The following PLXNB2 variants were observed in gnomAD, a reference collection of about 807,000 sequenced individuals.
The protein encoded by PLXNB2 is plexin B2.
In PLXNB2, 85 loss-of-function variants were observed where a neutral mutation model predicts 202.6. The ratio of observed to expected loss-of-function variants is 0.42; its 90% CI spans 0.35 to 0.50. The LOEUF (loss-of-function observed/expected upper bound fraction) is 0.50. PLXNB2 is among the 20% of genes least tolerant of loss of function. The pLI is 0.02. For synonymous variants in PLXNB2, 1,239 were observed against 1,137.6 expected, an observed-to-expected ratio of 1.09 and a Z score of -1.79; for missense variants, 2,063 against 2,586.2, an observed-to-expected ratio of 0.80 and a Z score of 4.39.
chr22:50,283,781 G>A, intron 14 of PLXNB2, 31 bp from the exon 15 acceptor site: 2 of 1,612,954 alleles, frequency 1.2e-6, no homozygotes, highest in Non-Finnish European at 1.7e-6. Flanking sequence ...GAGCAGGGAG[G>A]GGCTCATGCC....
At chr22:50,300,480 G>C (rs547761044) in intron 1 of PLXNB2, among the ~76,000 whole-genome samples, 147 of 152,348 alleles carry the variant, frequency 9.6e-4, no homozygotes, top group African/African-American at 3.4e-3. Context: ...CCGGACCCAG[G>C]GTCAAGGCCA....
chr22:50,293,350 C>T (rs2067020853), intron 2 of PLXNB2, among the ~76,000 whole-genome samples: 1 of 152,188 alleles, frequency 6.6e-6, no homozygotes, highest in South Asian at 2.1e-4. Context: ...CCCGAAGGCT[C>T]CCCAACCCCC....
At position 50,284,720 on chromosome 22, in the gene PLXNB2, C is replaced by G; in HGVS notation, c.2089-55G>C. The G allele has an allele frequency of 7.5e-7, 1 of 1,335,266 alleles. No individual in the cohort carries two copies. The highest frequency in any genetic ancestry group is 1.1e-6 in the Non-Finnish European group (1 of 927,608). The allele number at this position is 1,335,266 out of a possible 1,614,324, so 82.7% of individuals were successfully genotyped here. On this transcript the variant is annotated intron_variant, in intron 11 of 36. Coordinates refer to ENST00000359337, the MANE Select transcript of PLXNB2 (RefSeq NM_012401.4). The surrounding 1 kb of genome is among the most constrained non-coding windows in gnomAD (Gnocchi z 8.0). ...AGGCGGCTGTGGCACCCTGGCCCTC[C>G]TCCCAGAACCCCTGCAGCCCCTCCT...
rs201524381 is a variant in PLXNB2 at position 50,275,815 on chromosome 22, G to A, written c.5413-7C>T. 6.6e-4 allele frequency: 1,055 copies of A among 1,610,058 alleles called. 2 individuals are homozygous for A. Among genetic ancestry groups the A allele is most frequent in the Non-Finnish European group, 7.5e-4 (885 of 1,177,678 alleles). On this transcript the variant is annotated splice_region_variant and splice_polypyrimidine_tract_variant and intron_variant, in intron 36 of 36. Coordinates refer to ENST00000359337, the MANE Select transcript of PLXNB2 (RefSeq NM_012401.4). The stretch of plus-strand genomic sequence containing the variant: ...CCTCCAAGGCATTGATGATCTGAGG[G>A]AGGGTCGCATCAGAGCACACCGGGG...
At chr22:50,305,406 A>G (rs2067849294) in intron 1 of PLXNB2, among the ~76,000 whole-genome samples, 1 of 152,174 alleles carries the variant, frequency 6.6e-6, no homozygotes, top group South Asian at 2.1e-4. Context: ...CCGGGCGCAC[A>G]CACAGCATGG....
chr22:50,281,293 G>T, intron 22 of PLXNB2, 67 bp downstream of exon 22: 1 of 1,589,566 alleles, frequency 6.3e-7, no homozygotes. Flanking sequence ...CGGCGGATGA[G>T]GCCAGAGGGG....
chr22:50,291,073 G>A lies in PLXNB2; in HGVS notation c.-13-476C>T, dbSNP rs2066837553. Among the ~76,000 whole-genome samples, 1 of 152,186 alleles carries A rather than the reference G, an allele frequency of 6.6e-6. No individual in the cohort carries two copies. The highest frequency in any genetic ancestry group is 2.4e-5 in the African/African-American group (1 of 41,442). Reference sequence around the variant, plus strand: ...GGTGGCTCACCCATGGGGCAGAGGTGAAGGACACGGGAAACCAGAGGCTCA... The same window carrying A: ...GGTGGCTCACCCATGGGGCAGAGGTAAAGGACACGGGAAACCAGAGGCTCA... On this transcript the variant is annotated intron_variant, in intron 2 of 36. Coordinates refer to ENST00000359337, the MANE Select transcript of PLXNB2 (RefSeq NM_012401.4). This position sits in a 1 kb window ranked among gnomAD's most constrained non-coding sequence, Gnocchi z 4.3.
In PLXNB2 at chr22:50,281,881, C is replaced by T; in HGVS notation, c.3318G>A (p.Lys1106=). ...TFENFTGGVK[K]QVNKLIHARG... ...GGGCGTGGATGAGCTTGTTGACCTG[C>T]TTCTTGACGCCACCTGTGAAGTTCT... is the stretch of plus-strand genomic sequence containing the variant. The change falls in exon 20 of 37, where the codon AAG becomes AAA. Residue 1106 remains lysine, a synonymous_variant. Coordinates refer to ENST00000359337, the MANE Select transcript of PLXNB2 (RefSeq NM_012401.4). 1 of 1,612,980 alleles carries T rather than the reference C, an allele frequency of 6.2e-7. No individual in the cohort carries two copies. The highest frequency in any genetic ancestry group is 8.5e-7 in the Non-Finnish European group (1 of 1,179,974).
Position 50,285,874 on chromosome 22 carries a change from G to A in PLXNB2, c.2014C>T (p.Pro672Ser). The A allele has an allele frequency of 6.2e-7, 1 of 1,612,738 alleles. No homozygotes were observed. The highest frequency in any genetic ancestry group is 8.5e-7 in the Non-Finnish European group (1 of 1,179,744). The change falls in exon 11 of 37, where the codon CCC (proline) becomes TCC (serine). Residue 672 changes from proline to serine, a missense_variant. Pro to Ser is a moderately conservative substitution (Grantham distance 74, BLOSUM62 -1). Around this residue, in one of 2 missense-constraint regions of PLXNB2, gnomAD observed 1,303 missense variants for 1,476.8 expected, o/e 0.88. Coordinates refer to ENST00000359337, the MANE Select transcript of PLXNB2 (RefSeq NM_012401.4). ...TTCATGGGGATCACCAGGGGGCTGGGTCCCAGGAACTGGGGACAGCTGTCC... is the reference window on the plus strand; with the variant it reads ...TTCATGGGGATCACCAGGGGGCTGGATCCCAGGAACTGGGGACAGCTGTCC... ...MEDSCPQFLG[P>S]SPLVIPMNHE...
intron 1 of PLXNB2, among the ~76,000 whole-genome samples, chr22:50,303,444 TGGCTCGGG>T (rs778560055): frequency 9.2e-5 from 14 of 152,120 alleles, no homozygotes; most frequent in Non-Finnish European, 4.4e-5. Flanking sequence ...GGTGGCATGC[TGGCTCGGG>T]GGCCCCAGAC....
chr22:50,275,562 G>T lies in PLXNB2; in HGVS notation c.*142C>A, dbSNP rs2065486442. ...GATGCTACAGTCTAGACGCTGGGCG[G>T]GTTCCGGCTGCACCCACTCCGGCTT... On this transcript the variant is annotated 3_prime_UTR_variant, in exon 37 of 37. Coordinates refer to ENST00000359337, the MANE Select transcript of PLXNB2 (RefSeq NM_012401.4). 1 of 650,438 alleles carries T rather than the reference G, an allele frequency of 1.5e-6. No homozygotes were observed. The highest frequency in any genetic ancestry group is 2.8e-6 in the Non-Finnish European group (1 of 357,094). The allele number at this position is 650,438 out of a possible 1,614,324, so 40.3% of individuals were successfully genotyped here.
At chr22:50,276,578 G>T in intron 35 of PLXNB2, 51 bp downstream of exon 35, 2 of 1,426,906 alleles carry the variant, frequency 1.4e-6, no homozygotes, top group Non-Finnish European at 2.0e-6. Flanking sequence ...GCTCAGCATG[G>T]GGTAGTGGGA....
chr22:50,300,579 G>A (rs1391413050), intron 1 of PLXNB2, among the ~76,000 whole-genome samples: 1 of 152,208 alleles, frequency 6.6e-6, no homozygotes, highest in Non-Finnish European at 1.5e-5. Flanking sequence ...TCCAGGGACA[G>A]ACTGATGTGG....
chr22:50,284,148 G>A lies in PLXNB2; in HGVS notation c.2247C>T (p.Ile749=), dbSNP rs376007453. Residue 749 remains isoleucine (I), a synonymous_variant, in exon 13 of 37, where the codon ATC becomes ATT. Transcript: ENST00000359337. This position sits in a 1 kb window ranked among gnomAD's most constrained non-coding sequence, Gnocchi z 8.0. ...GGCCCCCACCATGGAGCTTGCTGTC[G>A]ATATTCTTGCCGTAAGACTTGACGT... The part of the protein sequence containing the change: ...HLYVKSYGKN[I]DSKLHVTLYN... 1.3e-4 allele frequency: 202 copies of A among 1,611,794 alleles called. No individual in the cohort carries two copies. The highest frequency in any genetic ancestry group is 2.1e-4 in the African/African-American group (16 of 74,776).
intron 1 of PLXNB2, among the ~76,000 whole-genome samples, chr22:50,307,322 C>T (rs142227764): frequency 0.02 from 3,019 of 150,518 alleles, 51 homozygotes; most frequent in Admixed American, 0.032. Flanking sequence ...CCCCCGCCGC[C>T]GGGCCCGTCC....
At chr22:50,293,636 C>T (rs908492121) in intron 2 of PLXNB2, among the ~76,000 whole-genome samples, 3 of 152,208 alleles carry the variant, frequency 2.0e-5, no homozygotes, top group South Asian at 4.1e-4. Flanking sequence ...GGGGGCAGCG[C>T]GGGGGCGGGG....
Position 50,287,251 on chromosome 22 carries a change from A to G in PLXNB2, c.1622T>C (p.Val541Ala), listed in dbSNP as rs923713459. 2.0e-6 allele frequency: 3 copies of G among 1,525,222 alleles called. No individual in the cohort carries two copies. The highest frequency in any genetic ancestry group is 2.6e-6 in the Non-Finnish European group (3 of 1,132,910). The allele number at this position is 1,525,222 out of a possible 1,614,324, so 94.5% of individuals were successfully genotyped here. Residue 541 changes from valine to alanine, a missense_variant, in exon 8 of 37, where the codon GTC (valine) becomes GCC (alanine). By Grantham distance (64) the Val-to-Ala change is moderately conservative. Transcript: ENST00000359337. ...CTCGCTCAGGGCAGGGAGGGGGCTG[A>G]CGGTCAGCTGCACCTGAGGGAGGGG... is the stretch of plus-strand genomic sequence containing the variant. ...RRAQGEVQLTVSPLPALSEED... is the reference protein window; with the variant it reads ...RRAQGEVQLTASPLPALSEED...
At chr22:50,295,540 C>T (rs2067199110) in intron 1 of PLXNB2, among the ~76,000 whole-genome samples, 1 of 152,144 alleles carries the variant, frequency 6.6e-6, no homozygotes, top group Non-Finnish European at 1.5e-5. Flanking sequence ...GCAATGCTTG[C>T]TATTGTATCT....
chr22:50,288,115 G>T lies in PLXNB2; in HGVS notation c.1381-78C>A. 1 of 1,131,334 alleles carries T rather than the reference G, an allele frequency of 8.8e-7. No homozygotes were observed. Among genetic ancestry groups the T allele is most frequent in the Non-Finnish European group, 1.3e-6 (1 of 778,326 alleles). The allele number at this position is 1,131,334 out of a possible 1,614,324, so 70.1% of individuals were successfully genotyped here. On this transcript the variant is annotated intron_variant, in intron 5 of 36. Transcript: ENST00000359337. The surrounding 1 kb of genome is among the most constrained non-coding windows in gnomAD (Gnocchi z 5.0). ...CGCAGACCCCAGATGTCCCCAGACC[G>T]CCAGCTTGACCCAGCTCTGTCCCGG...
Sources: allele counts gnomAD v4.1 joint callset (sites outside exome capture counted in the v4.1 genomes callset), GRCh38; gene constraint gnomAD v4.1.1; regional missense constraint gnomAD v4.1.1; non-coding constraint Gnocchi (gnomAD v3.1); transcripts MANE v1.5; gene names NCBI Gene and HGNC (gene_info 2026-07-23, HGNC 2026-07-21).